The following IQCH variants were observed in gnomAD, a reference collection of about 807,000 sequenced individuals.
IQCH encodes the protein IQ motif containing H.
A neutral mutation model predicts 117.0 loss-of-function variants in IQCH; 98 were observed. That is an observed-to-expected ratio of 0.84 (90% CI 0.71 to 0.99). IQCH has a LOEUF of 0.99. Ranked by LOEUF, IQCH falls within the 50% of genes least tolerant of loss-of-function variation. The pLI, the probability that IQCH is intolerant of heterozygous loss-of-function variation, is 0.00. For synonymous variants in IQCH, 412 were observed against 448.2 expected (o/e 0.92, Z 1.02); for missense variants, 1,102 against 1,243.8 (o/e 0.89, Z 1.72).
Position 67,476,250 on chromosome 15 carries a change from C to G in IQCH, c.2799+432C>G, listed in dbSNP as rs2083198874. Among the ~76,000 whole-genome samples the G allele has an allele frequency of 6.6e-6, 1 of 152,256 alleles. No homozygotes were observed. On this transcript the variant is annotated intron_variant, in intron 18 of 20. Coordinates refer to ENST00000335894, the MANE Select transcript of IQCH (RefSeq NM_001031715.3). The surrounding 1 kb of genome is among the most constrained non-coding windows in gnomAD (Gnocchi z 4.1). ...CCACAGAAGCGTATTTTCTCACTGT[C>G]TGGCAGCTGGTACATCCAAGGACAA...
At position 67,447,141 on chromosome 15, in the gene IQCH, A is replaced by G. The variant is rs1485517769; in HGVS notation, c.2506-17986A>G. On this transcript the variant is annotated intron_variant, in intron 16 of 20. Transcript: ENST00000335894. The surrounding 1 kb of genome is among the most constrained non-coding windows in gnomAD (Gnocchi z 5.3). Reference sequence around the variant, plus strand: ...ACGTTCTTGGGTTCTTTGAGCCTCAATTTTCCCTTCATAAAATGGGAGTAT... The same window carrying G: ...ACGTTCTTGGGTTCTTTGAGCCTCAGTTTTCCCTTCATAAAATGGGAGTAT... 1.3e-5 allele frequency among the ~76,000 whole-genome samples: 2 copies of G among 152,168 alleles called. No homozygotes were observed. The highest frequency in any genetic ancestry group is 2.9e-5 in the Non-Finnish European group (2 of 68,022).
intron 16 of IQCH, among the ~76,000 whole-genome samples, chr15:67,440,285 A>C (rs1596380061): frequency 6.6e-6 from 1 of 152,240 alleles, no homozygotes; most frequent in Admixed American, 6.5e-5. Flanking sequence ...GTTGTACCAG[A>C]CATTCAGAGA....
At chr15:67,300,787 GA>G (rs1413347610) in intron 4 of IQCH, among the ~76,000 whole-genome samples, 1 of 152,130 alleles carries the variant, frequency 6.6e-6, no homozygotes, top group Non-Finnish European at 1.5e-5. Context: ...TTTTAATTCA[GA>G]AGTTGTTCTA....
intron 18 of IQCH, among the ~76,000 whole-genome samples, chr15:67,478,624 A>G (rs1006813524): frequency 2.1e-4 from 32 of 152,098 alleles, no homozygotes; most frequent in African/African-American, 7.5e-4. Context: ...GGGGATAATC[A>G]GAAAGAAAAG....
At chr15:67,451,562 A>G (rs1287649752) in intron 16 of IQCH, among the ~76,000 whole-genome samples, 1 of 147,252 alleles carries the variant, frequency 6.8e-6, no homozygotes, top group South Asian at 2.2e-4. Flanking sequence ...CCTGAGTTCT[A>G]GTTTGATTGC....
intron 4 of IQCH, chr15:67,307,196 A>C (rs113139789): frequency 1.1e-6 from 1 of 885,368 alleles, no homozygotes; most frequent in East Asian, 1.0e-4. Context: ...TCTACTTTCC[A>C]AATAAATATA....
At position 67,453,082 on chromosome 15, in the gene IQCH, C is replaced by T. The variant is rs2082572349; in HGVS notation, c.2506-12045C>T. On this transcript the variant is annotated intron_variant, in intron 16 of 20. Coordinates refer to ENST00000335894, the MANE Select transcript of IQCH (RefSeq NM_001031715.3). This position sits in a 1 kb window ranked among gnomAD's most constrained non-coding sequence, Gnocchi z 5.8. The stretch of plus-strand genomic sequence containing the variant: ...CCTTGGTTTTCAGCTCCATCAGGTC[C>T]TTTAAGGACTTCTCTGCATTGGTTA... Among the ~76,000 whole-genome samples the T allele has an allele frequency of 6.6e-6, 1 of 152,202 alleles. No individual in the cohort carries two copies. The highest frequency in any genetic ancestry group is 1.5e-5 in the Non-Finnish European group (1 of 68,036).
chr15:67,309,080 A>G (rs1179454771), intron 4 of IQCH, among the ~76,000 whole-genome samples: 2 of 152,092 alleles, frequency 1.3e-5, no homozygotes, highest in Non-Finnish European at 2.9e-5. Flanking sequence ...GATCTCCCAG[A>G]AACAGTCTCC....
chr15:67,398,938 T>A (rs1971554035), intron 13 of IQCH, among the ~76,000 whole-genome samples: 1 of 152,210 alleles, frequency 6.6e-6, no homozygotes, highest in Admixed American at 6.5e-5. Context: ...TGTGAGTTAA[T>A]GAGGTATTTT....
chr15:67,356,337 A>G lies in IQCH; in HGVS notation c.638-1008A>G, dbSNP rs1187129899. On this transcript the variant is annotated intron_variant, in intron 6 of 20. Coordinates refer to ENST00000335894, the MANE Select transcript of IQCH (RefSeq NM_001031715.3). This position sits in a 1 kb window ranked among gnomAD's most constrained non-coding sequence, Gnocchi z 5.3. ...GAGGGTTGTAAAAATGGGTTGATCAAATGCAACAAAGAAATCCCTTTTGTG... is the reference window on the plus strand; with the variant it reads ...GAGGGTTGTAAAAATGGGTTGATCAGATGCAACAAAGAAATCCCTTTTGTG... 6.6e-6 allele frequency among the ~76,000 whole-genome samples: 1 copy of G among 152,186 alleles called. No individual in the cohort carries two copies. Among genetic ancestry groups the G allele is most frequent in the Non-Finnish European group, 1.5e-5 (1 of 68,032 alleles).
intron 4 of IQCH, among the ~76,000 whole-genome samples, chr15:67,285,304 T>A (rs1004290220): frequency 1.3e-5 from 2 of 152,190 alleles, no homozygotes; most frequent in Non-Finnish European, 2.9e-5. Flanking sequence ...TTAATGTTTT[T>A]TTTTTCTCAG....
intron 14 of IQCH, among the ~76,000 whole-genome samples, chr15:67,400,544 G>C (rs1971619854): frequency 6.7e-6 from 1 of 149,030 alleles, no homozygotes; most frequent in Non-Finnish European, 1.5e-5. Flanking sequence ...GAGTGCAGTG[G>C]TACAATCAGG....
chr15:67,497,020 G>A (rs1396405569), intron 20 of IQCH, among the ~76,000 whole-genome samples: 2 of 111,074 alleles, frequency 1.8e-5, no homozygotes, highest in African/African-American at 3.6e-5. Flanking sequence ...GCGAGACTCC[G>A]TCTCAAAAAA....
chr15:67,439,820 A>T (rs2082221543), intron 16 of IQCH, among the ~76,000 whole-genome samples: 1 of 151,100 alleles, frequency 6.6e-6, no homozygotes, highest in Admixed American at 6.6e-5. Context: ...CCCGGGAGGC[A>T]GAGGTTGTGG....
At chr15:67,360,258 C>A (rs1468046439) in intron 8 of IQCH, among the ~76,000 whole-genome samples, 1 of 152,138 alleles carries the variant, frequency 6.6e-6, no homozygotes, top group Non-Finnish European at 1.5e-5. Flanking sequence ...TGTCCCCCAG[C>A]ACGTGCTTAT....
At chr15:67,440,051 C>T (rs766884303) in intron 16 of IQCH, among the ~76,000 whole-genome samples, 5 of 151,750 alleles carry the variant, frequency 3.3e-5, no homozygotes, top group East Asian at 1.9e-4. Flanking sequence ...CAACTGACAC[C>T]GCAGAAAGAC....
Position 67,395,204 on chromosome 15 carries a change from G to A in IQCH, c.1633-87G>A. ...CATAACCCAGCCTGCTATTAATAAT[G>A]TATTTATTATGTGCAACATTATAAA... is the stretch of plus-strand genomic sequence containing the variant. On this transcript the variant is annotated intron_variant, in intron 12 of 20. Transcript: ENST00000335894. The surrounding 1 kb of genome is among the most constrained non-coding windows in gnomAD (Gnocchi z 4.0). 1 of 1,341,190 alleles carries A rather than the reference G, an allele frequency of 7.5e-7. No homozygotes were observed. The highest frequency in any genetic ancestry group is 1.4e-5 in the South Asian group (1 of 72,726). The allele number at this position is 1,341,190 out of a possible 1,614,324, so 83.1% of individuals were successfully genotyped here.
chr15:67,488,733 C>A (rs1044494589), intron 18 of IQCH, among the ~76,000 whole-genome samples: 3 of 152,180 alleles, frequency 2.0e-5, no homozygotes, highest in African/African-American at 7.2e-5. Context: ...GTTAGATTCT[C>A]ATAAGGAGCA....
intron 4 of IQCH, among the ~76,000 whole-genome samples, chr15:67,330,574 G>A (rs1287891796): frequency 1.3e-5 from 2 of 152,110 alleles, no homozygotes; most frequent in Non-Finnish European, 2.9e-5. Context: ...GAGAAAGCTG[G>A]CAGAGTGGTA....
Sources: gnomAD v4.1 joint callset for allele counts (sites outside exome capture counted in the v4.1 genomes callset) on GRCh38, gnomAD v4.1.1 for gene constraint, Gnocchi (gnomAD v3.1) non-coding constraint, MANE v1.5 for transcripts, NCBI Gene and HGNC (gene_info 2026-07-23, HGNC 2026-07-21) for gene names.